Variants in STAT4 observed in about 807,000 individuals in gnomAD.
STAT4 encodes signal transducer and activator of transcription 4.
A neutral mutation model predicts 110.5 loss-of-function variants in STAT4; 42 were observed. That is an observed-to-expected ratio of 0.38 (90% CI 0.30 to 0.49). The LOEUF (loss-of-function observed/expected upper bound fraction) is 0.49. Ranked by LOEUF, STAT4 falls within the 20% of genes least tolerant of loss-of-function variation. The pLI, the probability that STAT4 is intolerant of heterozygous loss-of-function variation, is 0.95. For synonymous variants in STAT4, 284 were observed against 302.2 expected, an observed-to-expected ratio of 0.94 and a Z score of 0.63; for missense variants, 632 against 887.9, an observed-to-expected ratio of 0.71 and a Z score of 3.66.
intron 13 of STAT4, among the ~76,000 whole-genome samples, chr2:191,055,755 A>C (rs1696671938): frequency 6.6e-6 from 1 of 152,222 alleles, no homozygotes; most frequent in African/African-American, 2.4e-5. Context: ...CCACTGTAAA[A>C]ACTGAGGTTT....
chr2:191,047,785 C>A (rs1254424532), intron 14 of STAT4, among the ~76,000 whole-genome samples: 2 of 152,174 alleles, frequency 1.3e-5, no homozygotes, highest in Non-Finnish European at 2.9e-5. Flanking sequence ...CCTGCCTCAG[C>A]CTCCTGAGTA....
intron 3 of STAT4, among the ~76,000 whole-genome samples, chr2:191,100,396 C>T (rs767673709): frequency 6.6e-6 from 1 of 152,156 alleles, no homozygotes; most frequent in Non-Finnish European, 1.5e-5. Context: ...GAACCACTTC[C>T]AAAACTGTGA....
Position 191,138,272 on chromosome 2 carries a change from C to A in STAT4, c.273+8341G>T, listed in dbSNP as rs1699233288. On this transcript the variant is annotated intron_variant, in intron 3 of 23. Coordinates refer to ENST00000392320, the MANE Select transcript of STAT4 (RefSeq NM_003151.4). The surrounding 1 kb of genome is among the most constrained non-coding windows in gnomAD (Gnocchi z 4.3). The stretch of plus-strand genomic sequence containing the variant: ...ACAAGAAATAACAAAGATCAGAGAA[C>A]TAAATAAAATCAAAACAAAAAAATA... 6.6e-6 allele frequency among the ~76,000 whole-genome samples: 1 copy of A among 151,600 alleles called. No individual in the cohort carries two copies. Among genetic ancestry groups the A allele is most frequent in the African/African-American group, 2.4e-5 (1 of 41,260 alleles).
At chr2:191,148,736 T>G (rs1011027559) in intron 1 of STAT4, among the ~76,000 whole-genome samples, 1 of 152,242 alleles carries the variant, frequency 6.6e-6, no homozygotes, top group Non-Finnish European at 1.5e-5. Context: ...TCTTGACTTC[T>G]AGTCCAATTT....
intron 3 of STAT4, among the ~76,000 whole-genome samples, chr2:191,114,451 C>T (rs1008063065): frequency 3.3e-5 from 5 of 152,058 alleles, no homozygotes; most frequent in Admixed American, 6.5e-5. Flanking sequence ...AAAGAAGAAA[C>T]GATATATTTA....
rs968276554 is a variant in STAT4, at chr2:191,073,244, T to C, written c.373-54A>G. 11 of 1,429,134 alleles carry C rather than the reference T, an allele frequency of 7.7e-6. No homozygotes were observed. The African/African-American group carries it at 1.3e-4, about 16-fold the overall frequency. The allele number at this position is 1,429,134 out of a possible 1,614,324, so 88.5% of individuals were successfully genotyped here. A position where few individuals can be genotyped will look rare whatever the true frequency, so the allele number is the denominator to read the frequency against. ...TGGTTTTGAAAAGGTTTATGATGAA[T>C]GCAATACATACCGCATACAATTCGA... On this transcript the variant is annotated intron_variant, in intron 4 of 23. Transcript: ENST00000392320.
intron 6 of STAT4, among the ~76,000 whole-genome samples, chr2:191,069,302 T>C (rs1015915648): frequency 6.6e-6 from 1 of 152,138 alleles, no homozygotes; most frequent in Non-Finnish European, 1.5e-5. Context: ...ATTATTAAAA[T>C]ACTACTTGTA....
rs1698231908 is a variant in STAT4 at position 191,104,702 on chromosome 2, TCAAAGAATA to T, written c.274-28386_274-28378del. On this transcript the variant is annotated intron_variant, in intron 3 of 23. Transcript: ENST00000392320. This position sits in a 1 kb window ranked among gnomAD's most constrained non-coding sequence, Gnocchi z 4.3. ...ATATGATTTGAAAGGATATATATTG[TCAAAGAATA>T]AAGAATGATCCTTTTTAAGTGAATT... is the stretch of plus-strand genomic sequence containing the variant. Among the ~76,000 whole-genome samples the T allele has an allele frequency of 6.6e-6, 1 of 152,218 alleles. No individual in the cohort carries two copies. Among genetic ancestry groups the T allele is most frequent in the African/African-American group, 2.4e-5 (1 of 41,464 alleles).
intron 3 of STAT4, among the ~76,000 whole-genome samples, chr2:191,089,890 G>A (rs1574144787): frequency 1.3e-5 from 2 of 152,142 alleles, no homozygotes; most frequent in Non-Finnish European, 2.9e-5. Flanking sequence ...TGGTTGCCAG[G>A]AGTTAGAAGA....
chr2:191,062,096 C>G lies in STAT4; in HGVS notation c.942-275G>C, dbSNP rs1696864768. ...TTTGAGAAGGGTCTCCCTCTGTTGC[C>G]CAGGCTGAAGTGCAGTGGCACGATC... On this transcript the variant is annotated intron_variant, in intron 9 of 23. Transcript: ENST00000392320. This position sits in a 1 kb window ranked among gnomAD's most constrained non-coding sequence, Gnocchi z 4.9. Among the ~76,000 whole-genome samples the G allele has an allele frequency of 6.6e-6, 1 of 152,094 alleles. No individual in the cohort carries two copies.
intron 3 of STAT4, among the ~76,000 whole-genome samples, chr2:191,141,827 T>C (rs1699344244): frequency 6.6e-6 from 1 of 151,988 alleles, no homozygotes; most frequent in Admixed American, 6.6e-5. Context: ...GACAGGGTTT[T>C]GCCATGATGG....
At chr2:191,038,866 C>G (rs1696113811) in intron 16 of STAT4, among the ~76,000 whole-genome samples, 1 of 152,208 alleles carries the variant, frequency 6.6e-6, no homozygotes, top group South Asian at 2.1e-4. Flanking sequence ...ACCAGAGCAG[C>G]TGGGGAGGTA....
At chr2:191,041,044 G>A (rs368509169) in intron 15 of STAT4, 21 bp downstream of exon 15, 4 of 1,397,290 alleles carry the variant, frequency 2.9e-6, no homozygotes, top group Non-Finnish European at 3.8e-6. Context: ...AGTAAATAGT[G>A]TATGTTCTTG....
chr2:191,148,353 T>C, intron 1 of STAT4, 149 bp from the exon 2 acceptor site: 1 of 1,028,206 alleles, frequency 9.7e-7, no homozygotes, highest in South Asian at 1.8e-5. Flanking sequence ...TTTTTCATAA[T>C]TCAACCCTAA....
Position 191,099,553 on chromosome 2 carries a change from T to G in STAT4, c.274-23228A>C, listed in dbSNP as rs1044232006. Among the ~76,000 whole-genome samples the G allele has an allele frequency of 6.6e-6, 1 of 152,154 alleles. No homozygotes were observed. Among genetic ancestry groups the G allele is most frequent in the Non-Finnish European group, 1.5e-5 (1 of 67,994 alleles). On this transcript the variant is annotated intron_variant, in intron 3 of 23. Transcript: ENST00000392320. This position sits in a 1 kb window ranked among gnomAD's most constrained non-coding sequence, Gnocchi z 4.1. ...ACGTAAAATTTGGAAAGCAGAGATATGAATAATAAAATTTCATTTTTGTAA... is the reference window on the plus strand; with the variant it reads ...ACGTAAAATTTGGAAAGCAGAGATAGGAATAATAAAATTTCATTTTTGTAA...
At chr2:191,079,892 A>C (rs1017513816) in intron 3 of STAT4, among the ~76,000 whole-genome samples, 8 of 152,154 alleles carry the variant, frequency 5.3e-5, no homozygotes, top group Admixed American at 2.0e-4. Context: ...AGCTTGCAAC[A>C]AATATGTATT....
In STAT4 at chr2:191,035,839, A is replaced by G. The variant is rs372835313; in HGVS notation, c.1570+325T>C. Among the ~76,000 whole-genome samples, 44 of 152,296 alleles carry G rather than the reference A, an allele frequency of 2.9e-4. 1 individual carries two copies. The East Asian group carries it at 7.3e-3, about 25-fold the overall frequency. On this transcript the variant is annotated intron_variant, in intron 17 of 23. Coordinates refer to ENST00000392320, the MANE Select transcript of STAT4 (RefSeq NM_003151.4). This position sits in a 1 kb window ranked among gnomAD's most constrained non-coding sequence, Gnocchi z 4.7. ...TATACCCTGGAGACTGGGGTGGGGA[A>G]TAGACAAGGAGGGGCTTTAGACCTG...
rs1696882009 is a variant in STAT4 at position 191,062,683 on chromosome 2, T to C, written c.941+79A>G. 1 of 1,522,464 alleles carries C rather than the reference T, an allele frequency of 6.6e-7. No individual in the cohort carries two copies. Among genetic ancestry groups the C allele is most frequent in the Non-Finnish European group, 9.0e-7 (1 of 1,110,322 alleles). The allele number at this position is 1,522,464 out of a possible 1,614,324, so 94.3% of individuals were successfully genotyped here. On this transcript the variant is annotated intron_variant, in intron 9 of 23. Coordinates refer to ENST00000392320, the MANE Select transcript of STAT4 (RefSeq NM_003151.4). This position sits in a 1 kb window ranked among gnomAD's most constrained non-coding sequence, Gnocchi z 4.9. ...TTGTTGAATACTTCCCTGCCACTCTTCCACCTAAACACCAAAACCTTAGGA... is the reference window on the plus strand; with the variant it reads ...TTGTTGAATACTTCCCTGCCACTCTCCCACCTAAACACCAAAACCTTAGGA...
intron 4 of STAT4, among the ~76,000 whole-genome samples, chr2:191,074,267 T>C (rs150913337): frequency 6.6e-6 from 1 of 152,326 alleles, no homozygotes; most frequent in African/African-American, 2.4e-5. Flanking sequence ...TGGGGAGCCA[T>C]GGTTAGAAAG....
Sources: gnomAD v4.1 joint callset for allele counts (sites outside exome capture counted in the v4.1 genomes callset) on GRCh38, gnomAD v4.1.1 for gene constraint, Gnocchi (gnomAD v3.1) non-coding constraint, MANE v1.5 for transcripts, NCBI Gene and HGNC (gene_info 2026-07-23, HGNC 2026-07-21) for gene names.